Variants in APOL6 observed in about 807,000 individuals in gnomAD.
APOL6 encodes apolipoprotein L, 6.
Under a neutral mutation model 2.4 loss-of-function variants are expected in APOL6, and 1 was observed. That is an observed-to-expected ratio of 0.41 (90% CI 0.15 to 1.94). The LOEUF (loss-of-function observed/expected upper bound fraction) is 1.94, where lower values mean the gene tolerates loss of function less well. Among genes scored for constraint, APOL6 ranks in the 30% most tolerant of loss-of-function variants. The probability of loss-of-function intolerance (pLI) is 0.30; values close to 1 mark genes in which losing one functional copy is unlikely to be tolerated. For missense variants in APOL6, 438 were observed against 429.2 expected (o/e 1.02, Z -0.18); for synonymous variants, 189 against 169.3 (o/e 1.12, Z -0.90).
rs908102984 is a variant in APOL6, at chr22:35,663,911, A to T, written c.*4315A>T. On this transcript the variant is annotated 3_prime_UTR_variant, in exon 3 of 3. Coordinates refer to ENST00000409652, the MANE Select transcript of APOL6 (RefSeq NM_030641.4). ...CTATTGGCATGCCTAATACGTCTTT[A>T]TATGTATGTATGTGTTGTGTACACG... 2.7e-4 allele frequency: 41 copies of T among 152,180 alleles called. No individual in the cohort carries two copies. The highest frequency in any genetic ancestry group is 9.2e-4 in the African/African-American group (38 of 41,450). 9.4% of individuals were successfully genotyped at this position (152,180 alleles called of 1,614,324 possible).
At position 35,666,515 on chromosome 22, in the gene APOL6, T is replaced by C. The variant is rs1925187697; in HGVS notation, c.*6919T>C. ...GTCTTGAACTCCTGACCTCAGGTGATCAGCCCACCTTGGCCTCTCAAAGTG... is the reference window on the plus strand; with the variant it reads ...GTCTTGAACTCCTGACCTCAGGTGACCAGCCCACCTTGGCCTCTCAAAGTG... On this transcript the variant is annotated 3_prime_UTR_variant, in exon 3 of 3. Transcript: ENST00000409652. 6.6e-6 allele frequency: 1 copy of C among 152,206 alleles called. No individual in the cohort carries two copies. Among genetic ancestry groups the C allele is most frequent in the Non-Finnish European group, 1.5e-5 (1 of 68,064 alleles). The allele number at this position is 152,206 out of a possible 1,614,324, so 9.4% of individuals were successfully genotyped here. A position where few individuals can be genotyped will look rare whatever the true frequency, so the allele number is the denominator to read the frequency against.
At position 35,657,502 on chromosome 22, in the gene APOL6, T is replaced by C. The variant is rs550543024; in HGVS notation, c.50+1027T>C. 1.2e-4 allele frequency among the ~76,000 whole-genome samples: 18 copies of C among 152,292 alleles called. No homozygotes were observed. In the South Asian group the frequency reaches 3.5e-3, roughly 30 times the overall value. On this transcript the variant is annotated intron_variant, in intron 2 of 2. Coordinates refer to ENST00000409652, the MANE Select transcript of APOL6 (RefSeq NM_030641.4). ...TTAAAGATAAATACATTTATGGACA[T>C]ACATATACTTCAATGAGGAGGCCCT...
At position 35,667,365 on chromosome 22, in the gene APOL6, T is replaced by G. The variant is rs1925215972; in HGVS notation, c.*7769T>G. ...TGGTTCCAGAGATTCAAAGCCAGAG[T>G]TGCTGTCAGTTCATTGGTAGAGATG... On this transcript the variant is annotated 3_prime_UTR_variant, in exon 3 of 3. Transcript: ENST00000409652. 1 of 152,220 alleles carries G rather than the reference T, an allele frequency of 6.6e-6. No individual in the cohort carries two copies. Among genetic ancestry groups the G allele is most frequent in the African/African-American group, 2.4e-5 (1 of 41,456 alleles). 9.4% of individuals were successfully genotyped at this position (152,220 alleles called of 1,614,324 possible). A position where few individuals can be genotyped will look rare whatever the true frequency, so the allele number is the denominator to read the frequency against.
In APOL6 at chr22:35,659,616, A is replaced by G; in HGVS notation, c.*20A>G. ...ACATGAATGTTCCTCAGGACATGGC[A>G]TACAATGGCCTTGGAGGTCCAAATA... On this transcript the variant is annotated 3_prime_UTR_variant, in exon 3 of 3. Transcript: ENST00000409652. 1.3e-6 allele frequency: 2 copies of G among 1,571,826 alleles called. No individual in the cohort carries two copies. The highest frequency in any genetic ancestry group is 1.7e-6 in the Non-Finnish European group (2 of 1,157,356).
At chr22:35,653,222 G>T (rs1924747070) in intron 1 of APOL6, among the ~76,000 whole-genome samples, 1 of 152,162 alleles carries the variant, frequency 6.6e-6, no homozygotes, top group Non-Finnish European at 1.5e-5. Context: ...GTGTAAGAAT[G>T]CTTGTGATTT....
At position 35,663,339 on chromosome 22, in the gene APOL6, G is replaced by T. The variant is rs1037475138; in HGVS notation, c.*3743G>T. The T allele has an allele frequency of 6.6e-6, 1 of 151,178 alleles. No homozygotes were observed. Among genetic ancestry groups the T allele is most frequent in the Non-Finnish European group, 1.5e-5 (1 of 67,956 alleles). 9.4% of individuals were successfully genotyped at this position (151,178 alleles called of 1,614,324 possible). On this transcript the variant is annotated 3_prime_UTR_variant, in exon 3 of 3. Transcript: ENST00000409652. Reference sequence around the variant, plus strand: ...AACACTTTGTCCTAGCTGAGATTTGGTAATAAGATTTTTTTTTTAAGTTTT... The same window carrying T: ...AACACTTTGTCCTAGCTGAGATTTGTTAATAAGATTTTTTTTTTAAGTTTT...
rs1273292820 is a variant in APOL6 at position 35,659,472 on chromosome 22, T to A, written c.908T>A (p.Val303Glu). ...QQKVRSRARG[V>E]GKDLTGTCET... ...AAAGTGAGGTCAAGGGCCAGAGGGG[T>A]GGGGAAGGATTTAACTGGGACCTGC... The change falls in exon 3 of 3, where the codon GTG becomes GAG. Residue 303 changes from valine to glutamate, a missense_variant. By Grantham distance (121) the Val-to-Glu change is moderately radical (BLOSUM62 -2). Transcript: ENST00000409652. 2.5e-6 allele frequency: 4 copies of A among 1,610,854 alleles called. No homozygotes were observed. Among genetic ancestry groups the A allele is most frequent in the Non-Finnish European group, 3.4e-6 (4 of 1,179,328 alleles).
chr22:35,666,963 C>A lies in APOL6; in HGVS notation c.*7367C>A, dbSNP rs1174623716. 1 of 152,168 alleles carries A rather than the reference C, an allele frequency of 6.6e-6. No homozygotes were observed. Among genetic ancestry groups the A allele is most frequent in the Non-Finnish European group, 1.5e-5 (1 of 68,034 alleles). The allele number at this position is 152,168 out of a possible 1,614,324, so 9.4% of individuals were successfully genotyped here. ...TAAGTATTCTTAACTTATGGTGATA[C>A]AGTTATTTGCATAAGTGCAATAAGA... On this transcript the variant is annotated 3_prime_UTR_variant, in exon 3 of 3. Coordinates refer to ENST00000409652, the MANE Select transcript of APOL6 (RefSeq NM_030641.4).
chr22:35,648,693 AG>A (rs1924611107), intron 1 of APOL6, 70 bp downstream of exon 1: 1 of 152,208 alleles, frequency 6.6e-6, no homozygotes, highest in Non-Finnish European at 1.5e-5. Flanking sequence ...AGAGCCCCCA[AG>A]GGGTTGGCTT....
At position 35,664,139 on chromosome 22, in the gene APOL6, C is replaced by G. The variant is rs1237678886; in HGVS notation, c.*4543C>G. 1 of 152,146 alleles carries G rather than the reference C, an allele frequency of 6.6e-6. No homozygotes were observed. The highest frequency in any genetic ancestry group is 2.4e-5 in the African/African-American group (1 of 41,430). 9.4% of individuals were successfully genotyped at this position (152,146 alleles called of 1,614,324 possible). A position where few individuals can be genotyped will look rare whatever the true frequency, so the allele number is the denominator to read the frequency against. Reference sequence around the variant, plus strand: ...AAATGTCTTAAGAATTGCCAGCATACATTTTTGTTTGCATTATATTAATCA... The same window carrying G: ...AAATGTCTTAAGAATTGCCAGCATAGATTTTTGTTTGCATTATATTAATCA... On this transcript the variant is annotated 3_prime_UTR_variant, in exon 3 of 3. Coordinates refer to ENST00000409652, the MANE Select transcript of APOL6 (RefSeq NM_030641.4).
In APOL6 at chr22:35,667,890, A is replaced by G. The variant is rs888776721; in HGVS notation, c.*8294A>G. ...ACAAAATTCTGAGGCCCCCTCAACC[A>G]TCTAAATGGACTTCCTTCTGGGCCA... On this transcript the variant is annotated 3_prime_UTR_variant, in exon 3 of 3. Transcript: ENST00000409652. 6.6e-6 allele frequency: 1 copy of G among 152,192 alleles called. No individual in the cohort carries two copies. Among genetic ancestry groups the G allele is most frequent in the Non-Finnish European group, 1.5e-5 (1 of 68,044 alleles). The allele number at this position is 152,192 out of a possible 1,614,324, so 9.4% of individuals were successfully genotyped here.
chr22:35,660,358 C>CTAGA lies in APOL6; in HGVS notation c.*763_*764insAGAT, dbSNP rs1238784143. ...GCAGATGCAGCAAGAAGGCAGCCAT[C>CTAGA]TGCAAGGCAGAAGAAGAGAGCCCTC... On this transcript the variant is annotated 3_prime_UTR_variant, in exon 3 of 3. Transcript: ENST00000409652. The CTAGA allele has an allele frequency of 6.6e-6, 1 of 152,292 alleles. No individual in the cohort carries two copies. Among genetic ancestry groups the CTAGA allele is most frequent in the East Asian group, 1.9e-4 (1 of 5,202 alleles). 9.4% of individuals were successfully genotyped at this position (152,292 alleles called of 1,614,324 possible). A position where few individuals can be genotyped will look rare whatever the true frequency, so the allele number is the denominator to read the frequency against.
At chr22:35,657,576 A>C (rs908035650) in intron 2 of APOL6, among the ~76,000 whole-genome samples, 1 of 152,148 alleles carries the variant, frequency 6.6e-6, no homozygotes, top group Non-Finnish European at 1.5e-5. Flanking sequence ...CAAGTTTAGG[A>C]CTCAGAGCCC....
chr22:35,658,336 A>C (rs535438740), intron 2 of APOL6, among the ~76,000 whole-genome samples: 1 of 152,288 alleles, frequency 6.6e-6, no homozygotes, highest in South Asian at 2.1e-4. Flanking sequence ...GGCTGAAAAC[A>C]TACCTCAGGA....
In APOL6 at chr22:35,660,804, G is replaced by T. The variant is rs1228697941; in HGVS notation, c.*1208G>T. 1 of 152,258 alleles carries T rather than the reference G, an allele frequency of 6.6e-6. No homozygotes were observed. The allele number at this position is 152,258 out of a possible 1,614,324, so 9.4% of individuals were successfully genotyped here. On this transcript the variant is annotated 3_prime_UTR_variant, in exon 3 of 3. Transcript: ENST00000409652. Reference sequence around the variant, plus strand: ...CACTAACTCTATGCCTAAAGGCAGGGCCCTCATGACTCTATCACCTACCAA... The same window carrying T: ...CACTAACTCTATGCCTAAAGGCAGGTCCCTCATGACTCTATCACCTACCAA...
In APOL6 at chr22:35,667,996, C is replaced by T. The variant is rs1036133765; in HGVS notation, c.*8400C>T. 1.3e-5 allele frequency: 2 copies of T among 152,188 alleles called. No homozygotes were observed. Among genetic ancestry groups the T allele is most frequent in the Non-Finnish European group, 2.9e-5 (2 of 68,038 alleles). The allele number at this position is 152,188 out of a possible 1,614,324, so 9.4% of individuals were successfully genotyped here. ...GTCGAACATGCCTCATCATACCCTCCAGCATTAACATCAACACAGACCTTA... is the reference window on the plus strand; with the variant it reads ...GTCGAACATGCCTCATCATACCCTCTAGCATTAACATCAACACAGACCTTA... On this transcript the variant is annotated 3_prime_UTR_variant, in exon 3 of 3. Transcript: ENST00000409652.
intron 2 of APOL6, among the ~76,000 whole-genome samples, chr22:35,658,176 G>T (rs371493490): frequency 3.2e-4 from 49 of 152,138 alleles, no homozygotes; most frequent in African/African-American, 9.9e-4. Flanking sequence ...CATCTGGGAC[G>T]CTCATCCCCT....
rs1407037076 is a variant in APOL6, at chr22:35,660,952, T to C, written c.*1356T>C. 4 of 152,162 alleles carry C rather than the reference T, an allele frequency of 2.6e-5. No homozygotes were observed. The highest frequency in any genetic ancestry group is 5.9e-5 in the Non-Finnish European group (4 of 68,044). 9.4% of individuals were successfully genotyped at this position (152,162 alleles called of 1,614,324 possible). On this transcript the variant is annotated 3_prime_UTR_variant, in exon 3 of 3. Coordinates refer to ENST00000409652, the MANE Select transcript of APOL6 (RefSeq NM_030641.4). ...AGACAGATTAACAGGAGAAAAAGCA[T>C]ATACATTTTTTAATGTGGGCCAGAT...
Position 35,660,684 on chromosome 22 carries a change from A to T in APOL6, c.*1088A>T, listed in dbSNP as rs2145959606. 1 of 152,798 alleles carries T rather than the reference A, an allele frequency of 6.5e-6. No homozygotes were observed. The highest frequency in any genetic ancestry group is 1.9e-4 in the East Asian group (1 of 5,180). The allele number at this position is 152,798 out of a possible 1,614,324, so 9.5% of individuals were successfully genotyped here. A position where few individuals can be genotyped will look rare whatever the true frequency, so the allele number is the denominator to read the frequency against. ...GCACCAGCAGATTCCACATCTCGTG[A>T]AGGCTCACTCTCTGCTTCACAGATG... On this transcript the variant is annotated 3_prime_UTR_variant, in exon 3 of 3. Transcript: ENST00000409652.
Sources: gnomAD v4.1 joint callset for allele counts (sites outside exome capture counted in the v4.1 genomes callset) on GRCh38, gnomAD v4.1.1 for gene constraint, MANE v1.5 for transcripts, NCBI Gene and HGNC (gene_info 2026-07-23, HGNC 2026-07-21) for gene names.